PRKCH: variants seen among roughly 807,000 people sequenced by gnomAD.
PRKCH encodes the protein protein kinase C eta, also known as protein kinase C eta type.
PRKCH carries 28 observed loss-of-function variants against 82.5 expected under a neutral mutation model. That is an observed-to-expected ratio of 0.34 (90% CI 0.25 to 0.47). The LOEUF is 0.47. Ranked by LOEUF, PRKCH falls within the 20% of genes least tolerant of loss-of-function variation. The pLI is 1.00. For missense variants in PRKCH, 705 were observed against 881.8 expected (o/e 0.80, Z 2.54); for synonymous variants, 322 against 327.4 (o/e 0.98, Z 0.18).
intron 1 of PRKCH, among the ~76,000 whole-genome samples, chr14:61,248,991 G>A (rs139960833): frequency 9.7e-4 from 147 of 152,088 alleles, no homozygotes; most frequent in Non-Finnish European, 1.6e-3. Flanking sequence ...CGGTAGCGAC[G>A]GGGTTTCGCC....
chr14:61,460,687 G>C (rs1290719076), intron 9 of PRKCH, among the ~76,000 whole-genome samples: 5 of 152,138 alleles, frequency 3.3e-5, no homozygotes, highest in African/African-American at 1.2e-4. Flanking sequence ...GTCCAGGCAG[G>C]CTCTTCCTAT....
intron 10 of PRKCH, among the ~76,000 whole-genome samples, chr14:61,523,940 C>T (rs553679763): frequency 1.3e-5 from 2 of 152,308 alleles, no homozygotes; most frequent in East Asian, 1.9e-4. Flanking sequence ...CATGTTTGGA[C>T]GTGCATTGGC....
intron 12 of PRKCH, chr14:61,543,421 C>T (rs1283683639): frequency 6.6e-6 from 1 of 152,264 alleles, no homozygotes; most frequent in Non-Finnish European, 1.5e-5. Flanking sequence ...CTTGACCCTT[C>T]TCTTTCCCCT....
At chr14:61,367,442 G>A (rs2046311135) in intron 1 of PRKCH, among the ~76,000 whole-genome samples, 1 of 151,574 alleles carries the variant, frequency 6.6e-6, no homozygotes, top group Admixed American at 6.6e-5. Context: ...GGTCATTGTG[G>A]GTGAGGTTAC....
chr14:61,246,866 A>G (rs186006448), intron 1 of PRKCH, among the ~76,000 whole-genome samples: 83 of 152,118 alleles, frequency 5.5e-4, no homozygotes, highest in African/African-American at 1.9e-3. Flanking sequence ...GGGATTACAG[A>G]TGTGAGCCAC....
intron 10 of PRKCH, among the ~76,000 whole-genome samples, chr14:61,488,742 C>T (rs1385486194): frequency 6.6e-6 from 1 of 152,142 alleles, no homozygotes; most frequent in Admixed American, 6.5e-5. Flanking sequence ...TGGATATTAC[C>T]GCCCCTCAGT....
intron 1 of PRKCH, among the ~76,000 whole-genome samples, chr14:61,292,771 CAAAAAAAAAAA>C (rs33918460): frequency 1.4e-5 from 1 of 69,580 alleles, no homozygotes; most frequent in African/African-American, 7.1e-5. Flanking sequence ...ACTCCATCTC[CAAAAAAAAAAA>C]AAAAAAAAAA....
At chr14:61,196,828 C>G (rs1337223416) in intron 1 of PRKCH, among the ~76,000 whole-genome samples, 1 of 152,186 alleles carries the variant, frequency 6.6e-6, no homozygotes, top group African/African-American at 2.4e-5. Context: ...AAAGAAGATT[C>G]AGCAATAAGA....
rs186335146 is a variant in PRKCH at position 61,392,340 on chromosome 14, G to A, written c.427+1052G>A. Among the ~76,000 whole-genome samples the A allele has an allele frequency of 6.6e-4, 100 of 152,128 alleles. 1 individual carries two copies. The highest frequency in any genetic ancestry group is 7.4e-4 in the Non-Finnish European group (50 of 67,982). On this transcript the variant is annotated intron_variant, in intron 2 of 13. Coordinates refer to ENST00000332981, the MANE Select transcript of PRKCH (RefSeq NM_006255.5). Reference sequence around the variant, plus strand: ...GTAACTTCAGAAGAAACTTCCAGATGGTTTCCAAAGTGGTTTTATTATACT... The same window carrying A: ...GTAACTTCAGAAGAAACTTCCAGATAGTTTCCAAAGTGGTTTTATTATACT...
At chr14:61,514,173 AACCTGGCTGACCC>A (rs2042787477) in intron 10 of PRKCH, among the ~76,000 whole-genome samples, 1 of 152,068 alleles carries the variant, frequency 6.6e-6, no homozygotes, top group African/African-American at 2.4e-5. Flanking sequence ...CCTGCTGCCC[AACCTGGCTGACCC>A]GTCTGCTCAC....
intron 9 of PRKCH, among the ~76,000 whole-genome samples, chr14:61,469,368 C>T (rs567748231): frequency 1.3e-5 from 2 of 152,358 alleles, no homozygotes; most frequent in African/African-American, 4.8e-5. Flanking sequence ...TGAAAATGAA[C>T]ATTGGGTTCT....
chr14:61,327,324 T>A, intron 1 of PRKCH: 1 of 334,268 alleles, frequency 3.0e-6, no homozygotes, highest in South Asian at 2.4e-5. Context: ...ATCTAGTGGT[T>A]CATTCTCTTT....
At chr14:61,307,139 C>T (rs1208293265) in intron 1 of PRKCH, 1 of 152,170 alleles carries the variant, frequency 6.6e-6, no homozygotes, top group Non-Finnish European at 1.5e-5. Context: ...TGGCTTGTGC[C>T]TGTAATCCCA....
At chr14:61,413,404 C>T (rs75769876) in intron 2 of PRKCH, among the ~76,000 whole-genome samples, 2 of 19,904 alleles carry the variant, frequency 1.0e-4, no homozygotes, top group Admixed American at 3.8e-4. Flanking sequence ...TTTTTAAGCG[C>T]CCCCCCCCCG....
intron 1 of PRKCH, among the ~76,000 whole-genome samples, chr14:61,323,045 C>G (rs901778613): frequency 3.3e-5 from 5 of 152,060 alleles, no homozygotes; most frequent in African/African-American, 9.7e-5. Context: ...AGCATTTTTC[C>G]AAGGAGATGA....
chr14:61,490,909 C>T (rs1886424488), intron 10 of PRKCH, among the ~76,000 whole-genome samples: 1 of 151,974 alleles, frequency 6.6e-6, no homozygotes, highest in Admixed American at 6.6e-5. Context: ...CAGAGTGAGA[C>T]CCTGTCTCAA....
chr14:61,205,047 T>A (rs982816956), intron 1 of PRKCH, among the ~76,000 whole-genome samples: 1 of 152,232 alleles, frequency 6.6e-6, no homozygotes, highest in Admixed American at 6.5e-5. Context: ...ATATAGTATT[T>A]AAAAAGTCCT....
chr14:61,536,485 C>T (rs781753629), intron 12 of PRKCH, among the ~76,000 whole-genome samples: 4 of 152,146 alleles, frequency 2.6e-5, no homozygotes, highest in Admixed American at 6.5e-5. Flanking sequence ...CTTCACAGTG[C>T]CTCTCTCTAC....
intron 1 of PRKCH, among the ~76,000 whole-genome samples, chr14:61,389,057 A>T (rs1045158879): frequency 2.0e-5 from 3 of 152,228 alleles, no homozygotes; most frequent in South Asian, 2.1e-4. Context: ...AATAAATTTT[A>T]AAAAAGTAAA....
Sources: gnomAD v4.1 joint callset for allele counts (sites outside exome capture counted in the v4.1 genomes callset) on GRCh38, gnomAD v4.1.1 for gene constraint, MANE v1.5 for transcripts, NCBI Gene and HGNC (gene_info 2026-07-23, HGNC 2026-07-21) for gene names.